BOLA3: variants seen among roughly 807,000 people sequenced by gnomAD.
BOLA3 encodes bolA family member 3.
Under a neutral mutation model 14.5 loss-of-function variants are expected in BOLA3, and 8 were observed. The observed-to-expected ratio is 0.55, with a 90% confidence interval of 0.32 to 0.99. The LOEUF (loss-of-function observed/expected upper bound fraction) is 0.99, where lower values mean the gene tolerates loss of function less well. BOLA3 is among the 50% of genes least tolerant of loss of function. The pLI is 0.04. For synonymous variants in BOLA3, 42 were observed against 45.7 expected (o/e 0.92, Z 0.33); for missense variants, 115 against 138.2 (o/e 0.83, Z 0.84).
intron 1 of BOLA3, 142 bp from the exon 2 acceptor site, chr2:74,145,445 G>A (rs1251011355): frequency 2.9e-6 from 2 of 694,948 alleles, no homozygotes; most frequent in Admixed American, 4.2e-5. Flanking sequence ...TTATGTCAGA[G>A]GGGCTCTGTG....
intron 1 of BOLA3, chr2:74,146,738 CCTT>C: frequency 6.6e-6 from 1 of 152,418 alleles, no homozygotes; most frequent in Middle Eastern, 3.4e-3. Context: ...CAGAGCACCT[CCTT>C]TAAAATGAGC....
intron 1 of BOLA3, chr2:74,146,051 G>A (rs1220886001): frequency 1.3e-5 from 2 of 150,952 alleles, no homozygotes; most frequent in African/African-American, 2.4e-5. Context: ...GGAGTGCAGT[G>A]GCACAATCTC....
intron 3 of BOLA3, among the ~76,000 whole-genome samples, chr2:74,141,533 C>T (rs538340917): frequency 6.3e-4 from 96 of 151,940 alleles, no homozygotes; most frequent in African/African-American, 1.7e-3. Flanking sequence ...GGGCAGAGGC[C>T]GGCTGGGAGG....
intron 2 of BOLA3, among the ~76,000 whole-genome samples, chr2:74,142,833 T>C (rs1378146772): frequency 1.3e-5 from 2 of 152,196 alleles, no homozygotes; most frequent in Non-Finnish European, 2.9e-5. Context: ...CAGGGGAGCA[T>C]GAGAGCCAGG....
chr2:74,140,262 T>C (rs1383447661), intron 3 of BOLA3, among the ~76,000 whole-genome samples: 3 of 152,110 alleles, frequency 2.0e-5, no homozygotes, highest in African/African-American at 7.2e-5. Context: ...CCAGCCTGGG[T>C]GACAGAGTGA....
chr2:74,146,170 T>G (rs1692540692), intron 1 of BOLA3: 1 of 151,994 alleles, frequency 6.6e-6, no homozygotes, highest in South Asian at 2.1e-4. Context: ...TTTTTGTATT[T>G]TTAGTAGAGA....
At chr2:74,139,266 G>A (rs1558820895) in intron 3 of BOLA3, among the ~76,000 whole-genome samples, 1 of 152,260 alleles carries the variant, frequency 6.6e-6, no homozygotes, top group East Asian at 1.9e-4. Flanking sequence ...TGACTCTACA[G>A]CACCAGGATG....
At chr2:74,136,110 T>C (rs1692323527) in intron 3 of BOLA3, among the ~76,000 whole-genome samples, 1 of 152,124 alleles carries the variant, frequency 6.6e-6, no homozygotes, top group South Asian at 2.1e-4. Flanking sequence ...CCACCATGCC[T>C]GGCTAATTTT....
chr2:74,145,801 C>T (rs1692532601), intron 1 of BOLA3: 1 of 175,916 alleles, frequency 5.7e-6, no homozygotes, highest in African/African-American at 2.4e-5. Context: ...ATGTCTCGCC[C>T]TCCCCAGTGG....
At chr2:74,144,742 T>C (rs1448010962) in intron 2 of BOLA3, among the ~76,000 whole-genome samples, 1 of 152,220 alleles carries the variant, frequency 6.6e-6, no homozygotes. Context: ...TATGAGGAGC[T>C]AGGCAATTCC....
At chr2:74,139,383 G>A (rs937831750) in intron 3 of BOLA3, among the ~76,000 whole-genome samples, 1 of 151,906 alleles carries the variant, frequency 6.6e-6, no homozygotes, top group Admixed American at 6.6e-5. Flanking sequence ...GCATCTGGAT[G>A]GGGCACCTAC....
chr2:74,142,038 G>A (rs532107924), intron 3 of BOLA3, among the ~76,000 whole-genome samples: 2 of 152,304 alleles, frequency 1.3e-5, no homozygotes, highest in South Asian at 2.1e-4. Context: ...AGCATTATAC[G>A]AGGACATACA....
At chr2:74,147,364 C>T (rs1471212180) in intron 1 of BOLA3, 5 of 221,720 alleles carry the variant, frequency 2.3e-5, no homozygotes, top group Non-Finnish European at 4.5e-5. Context: ...GGGAAGTGCC[C>T]CCTGCTTGGG....
intron 3 of BOLA3, 83 bp from the exon 4 acceptor site, chr2:74,135,741 T>A: frequency 9.5e-7 from 1 of 1,056,860 alleles, no homozygotes; most frequent in Non-Finnish European, 1.5e-6. Context: ...TATACAGCTC[T>A]GCATCTGAAG....
chr2:74,145,363 G>A, intron 1 of BOLA3, 60 bp from the exon 2 acceptor site: 5 of 1,065,380 alleles, frequency 4.7e-6, no homozygotes, highest in South Asian at 3.7e-5. Flanking sequence ...CCTGAGCTGG[G>A]CCACTGTGCA....
intron 3 of BOLA3, among the ~76,000 whole-genome samples, chr2:74,140,503 C>T (rs989775287): frequency 3.3e-5 from 5 of 152,152 alleles, no homozygotes; most frequent in African/African-American, 1.2e-4. Flanking sequence ...GACACAGCCC[C>T]GTCCTGCAGT....
At position 74,147,488 on chromosome 2, in the gene BOLA3, A is replaced by G. The variant is rs188129023; in HGVS notation, c.54+333T>C. The stretch of plus-strand genomic sequence containing the variant: ...CGCACCCACGCCTTGACTCTGGGCT[A>G]TGACTCCTGTCTTCTGCTCGGTAAA... On this transcript the variant is annotated intron_variant, in intron 1 of 3. Coordinates refer to ENST00000327428, the MANE Select transcript of BOLA3 (RefSeq NM_212552.3). The G allele has an allele frequency of 1.7e-3, 605 of 347,274 alleles. 1 individual carries two copies. The highest frequency in any genetic ancestry group is 0.013 in the African/African-American group (569 of 44,630). The allele number at this position is 347,274 out of a possible 1,614,324, so 21.5% of individuals were successfully genotyped here. A position where few individuals can be genotyped will look rare whatever the true frequency, so the allele number is the denominator to read the frequency against.
chr2:74,142,432 G>A (rs1692453198), intron 2 of BOLA3, 72 bp from the exon 3 acceptor site: 20 of 1,139,282 alleles, frequency 1.8e-5, no homozygotes, highest in South Asian at 3.7e-5. Context: ...TATCCTTGAA[G>A]TACTGTACAA....
In BOLA3 at chr2:74,135,957, T is replaced by G. The variant is rs77839383; in HGVS notation, c.259-299A>C. ...TTAGTTTCTTGTGTATCTTTTTTTT[T>G]TTTTTTTTTTAAGTCATGGTCTCGC... On this transcript the variant is annotated intron_variant, in intron 3 of 3. Transcript: ENST00000327428. Among the ~76,000 whole-genome samples, 5,168 of 151,134 alleles carry G rather than the reference T, an allele frequency of 0.034. 321 individuals carry two copies. Among genetic ancestry groups the G allele is most frequent in the African/African-American group, 0.12 (4,876 of 40,982 alleles).
Sources: gnomAD v4.1 joint callset for allele counts (sites outside exome capture counted in the v4.1 genomes callset) on GRCh38, gnomAD v4.1.1 for gene constraint, MANE v1.5 for transcripts, NCBI Gene and HGNC (gene_info 2026-07-23, HGNC 2026-07-21) for gene names.